Variants in LMTK2 observed in about 807,000 individuals in gnomAD.
LMTK2 encodes the protein serine/threonine-protein kinase LMTK2.
LMTK2 carries 37 observed loss-of-function variants against 127.5 expected under a neutral mutation model. That is an observed-to-expected ratio of 0.29 (90% CI 0.22 to 0.38). The LOEUF (loss-of-function observed/expected upper bound fraction) is 0.38. LMTK2 is among the 10% of genes least tolerant of loss of function. The pLI, the probability that LMTK2 is intolerant of heterozygous loss-of-function variation, is 1.00. For missense variants in LMTK2, 1,694 were observed against 1,920.3 expected (o/e 0.88, Z 2.20); for synonymous variants, 819 against 810.1 (o/e 1.01, Z -0.19).
chr7:98,146,850 T>G (rs1445919522), intron 3 of LMTK2, among the ~76,000 whole-genome samples: 3 of 152,232 alleles, frequency 2.0e-5, no homozygotes, highest in Non-Finnish European at 2.9e-5. Flanking sequence ...AGATCTTTAT[T>G]TCTTCAGATG....
chr7:98,108,952 T>C (rs1321915513), intron 1 of LMTK2, among the ~76,000 whole-genome samples: 1 of 138,824 alleles, frequency 7.2e-6, no homozygotes, highest in African/African-American at 2.7e-5. Flanking sequence ...AACCCCCCCC[T>C]TCCGAGTTCA....
intron 6 of LMTK2, among the ~76,000 whole-genome samples, chr7:98,166,911 T>A (rs188807507): frequency 8.5e-5 from 13 of 152,346 alleles, no homozygotes; most frequent in African/African-American, 2.6e-4. Context: ...TAATTTAGAC[T>A]CTCTGTTCTC....
rs61160695 is a variant in LMTK2, at chr7:98,122,476, C to T, written c.104-14839C>T. Among the ~76,000 whole-genome samples the T allele has an allele frequency of 8.7e-3, 1,318 of 152,150 alleles. 22 individuals carry two copies. Among genetic ancestry groups the T allele is most frequent in the African/African-American group, 0.03 (1,228 of 41,476 alleles). On this transcript the variant is annotated intron_variant, in intron 1 of 13. Transcript: ENST00000297293. ...AGTCACGGACAGGTATTTTAAAAAG[C>T]GTGTGGAACAGTCAACAAATGTCAT... is the stretch of plus-strand genomic sequence containing the variant.
intron 7 of LMTK2, among the ~76,000 whole-genome samples, chr7:98,183,039 C>T (rs116115930): frequency 3.7e-4 from 56 of 152,300 alleles, no homozygotes; most frequent in African/African-American, 1.3e-3. Flanking sequence ...ACACCATATT[C>T]CAGCCTGACT....
Position 98,204,001 on chromosome 7 carries a change from C to T in LMTK2, c.4298C>T (p.Thr1433Ile). Residue 1433 changes from threonine to isoleucine, a missense_variant, in exon 13 of 14, where the codon ACA becomes ATA. This residue lies in a region of LMTK2 where 554 missense variants were observed against 567.7 expected (regional missense o/e 0.98). Coordinates refer to ENST00000297293, the MANE Select transcript of LMTK2 (RefSeq NM_014916.4). ...FSPDPFMSKTTSNLLSSKPSL... is the reference protein window; with the variant it reads ...FSPDPFMSKTISNLLSSKPSL... ...CCAGATCCTTTTATGTCAAAGACAA[C>T]AAGTAACCTGCTCAGCTCCAAGCCT... 1 of 1,614,190 alleles carries T rather than the reference C, an allele frequency of 6.2e-7. No homozygotes were observed. Among genetic ancestry groups the T allele is most frequent in the Non-Finnish European group, 8.5e-7 (1 of 1,180,028 alleles).
At chr7:98,137,873 C>T (rs1353509242) in intron 2 of LMTK2, among the ~76,000 whole-genome samples, 1 of 152,168 alleles carries the variant, frequency 6.6e-6, no homozygotes, top group African/African-American at 2.4e-5. Context: ...GATTGTTCCC[C>T]TCCACCCCGA....
At chr7:98,124,748 T>G (rs1796418127) in intron 1 of LMTK2, among the ~76,000 whole-genome samples, 1 of 151,862 alleles carries the variant, frequency 6.6e-6, no homozygotes. Context: ...ATTATACCAC[T>G]GATTCCAGCC....
At chr7:98,157,650 A>G (rs1267475204) in intron 5 of LMTK2, among the ~76,000 whole-genome samples, 1 of 152,098 alleles carries the variant, frequency 6.6e-6, no homozygotes, top group Non-Finnish European at 1.5e-5. Flanking sequence ...TAAAAAAAAA[A>G]AAAAAAAAAA....
rs1797538162 is a variant in LMTK2, at chr7:98,192,185, A to G, written c.1720A>G (p.Thr574Ala). 5 of 1,524,884 alleles carry G rather than the reference A, an allele frequency of 3.3e-6. No homozygotes were observed. The highest frequency in any genetic ancestry group is 1.4e-5 in the African/African-American group (1 of 71,898). 94.5% of individuals were successfully genotyped at this position (1,524,884 alleles called of 1,614,324 possible). The change falls in exon 11 of 14, where the codon ACC (threonine) becomes GCC (alanine). Residue 574 changes from threonine to alanine, a missense_variant. By Grantham distance (58) the Thr-to-Ala change is moderately conservative. Coordinates refer to ENST00000297293, the MANE Select transcript of LMTK2 (RefSeq NM_014916.4). ...TGATTACCCACCAGCGCTGCTCACA[A>G]CCGACATGGATAATCCAGAAAGGAC... Reference protein sequence around the residue: ...ELDYPPALLTTDMDNPERTGP... With the variant: ...ELDYPPALLTADMDNPERTGP...
At chr7:98,155,097 A>G (rs1030561121) in intron 5 of LMTK2, among the ~76,000 whole-genome samples, 4 of 152,262 alleles carry the variant, frequency 2.6e-5, no homozygotes, top group Non-Finnish European at 5.9e-5. Flanking sequence ...ATTCCAACAC[A>G]GATGACAGAG....
chr7:98,119,094 A>G (rs75094603), intron 1 of LMTK2, among the ~76,000 whole-genome samples: 19 of 147,484 alleles, frequency 1.3e-4, no homozygotes, highest in Non-Finnish European at 2.6e-4. Context: ...TCCATCTCAA[A>G]AAAAAAAAAA....
chr7:98,193,956 G>A lies in LMTK2; in HGVS notation c.3491G>A (p.Cys1164Tyr). ...AGAAAGAGCCAGCCAGATGAAAGTTGTCTGTCTGCTTTGCACAACTCCAGT... is the reference window on the plus strand; with the variant it reads ...AGAAAGAGCCAGCCAGATGAAAGTTATCTGTCTGCTTTGCACAACTCCAGT... ...EARKSQPDES[C>Y]LSALHNSSDL... Residue 1164 changes from cysteine to tyrosine, a missense_variant, in exon 11 of 14, where the codon TGT (cysteine) becomes TAT (tyrosine). This residue lies in a region of LMTK2 where 554 missense variants were observed against 567.7 expected (regional missense o/e 0.98). Coordinates refer to ENST00000297293, the MANE Select transcript of LMTK2 (RefSeq NM_014916.4). This position sits in a 1 kb window ranked among gnomAD's most constrained non-coding sequence, Gnocchi z 4.1. 6 of 1,614,090 alleles carry A rather than the reference G, an allele frequency of 3.7e-6. No homozygotes were observed. The highest frequency in any genetic ancestry group is 4.2e-6 in the Non-Finnish European group (5 of 1,180,044).
chr7:98,208,786 C>T lies in LMTK2; in HGVS notation c.*3294C>T, dbSNP rs1282374267. 3 of 152,202 alleles carry T rather than the reference C, an allele frequency of 2.0e-5. No individual in the cohort carries two copies. Among genetic ancestry groups the T allele is most frequent in the African/African-American group, 7.2e-5 (3 of 41,438 alleles). 9.4% of individuals were successfully genotyped at this position (152,202 alleles called of 1,614,324 possible). ...TAAGGGTGCAGAAAGCTCGACCAAG[C>T]CGAATTGCAAACAACGTTCGTTCTA... is the stretch of plus-strand genomic sequence containing the variant. On this transcript the variant is annotated 3_prime_UTR_variant, in exon 14 of 14. Transcript: ENST00000297293.
At chr7:98,189,847 G>A (rs747330384) in intron 9 of LMTK2, among the ~76,000 whole-genome samples, 22 of 152,130 alleles carry the variant, frequency 1.4e-4, no homozygotes, top group Non-Finnish European at 2.8e-4. Flanking sequence ...CCAGCGTGAT[G>A]GGGGATCCCT....
At position 98,193,730 on chromosome 7, in the gene LMTK2, C is replaced by A; in HGVS notation, c.3265C>A (p.Pro1089Thr). Reference sequence around the variant, plus strand: ...TGGTCACAGAGGCACAGAAGTGACCCCTGAGACGTTCACAGCTGGCTCCCA... The same window carrying A: ...TGGTCACAGAGGCACAGAAGTGACCACTGAGACGTTCACAGCTGGCTCCCA... Reference protein sequence around the residue: ...GDGHRGTEVTPETFTAGSQGS... With the variant: ...GDGHRGTEVTTETFTAGSQGS... Residue 1089 changes from proline to threonine, a missense_variant, in exon 11 of 14, where the codon CCT (proline) becomes ACT (threonine). Physicochemically the swap from Pro to Thr is conservative, Grantham distance 38. Coordinates refer to ENST00000297293, the MANE Select transcript of LMTK2 (RefSeq NM_014916.4). The surrounding 1 kb of genome is among the most constrained non-coding windows in gnomAD (Gnocchi z 4.1). 6.2e-7 allele frequency: 1 copy of A among 1,613,896 alleles called. No homozygotes were observed.
At chr7:98,199,829 T>C (rs774910636) in intron 11 of LMTK2, among the ~76,000 whole-genome samples, 11 of 152,218 alleles carry the variant, frequency 7.2e-5, no homozygotes, top group Non-Finnish European at 1.3e-4. Context: ...TGGTGTATCT[T>C]TTGCATCCTT....
chr7:98,155,433 A>G lies in LMTK2; in HGVS notation c.569+557A>G, dbSNP rs528290784. ...TCTACATTTGGAAAAGAAAAAGCCTACAAATTTAAGAAATTGAGAAAATGC... is the reference window on the plus strand; with the variant it reads ...TCTACATTTGGAAAAGAAAAAGCCTGCAAATTTAAGAAATTGAGAAAATGC... On this transcript the variant is annotated intron_variant, in intron 5 of 13. Transcript: ENST00000297293. Among the ~76,000 whole-genome samples the G allele has an allele frequency of 4.6e-5, 7 of 152,352 alleles. No homozygotes were observed. The South Asian group carries it at 1.4e-3, about 32-fold the overall frequency.
At chr7:98,180,451 G>A (rs1797339204) in intron 7 of LMTK2, among the ~76,000 whole-genome samples, 1 of 152,164 alleles carries the variant, frequency 6.6e-6, no homozygotes, top group Admixed American at 6.5e-5. Flanking sequence ...AAGGGTTAAA[G>A]CCAAAAGCCA....
chr7:98,153,348 AC>A (rs1387814943), intron 4 of LMTK2, among the ~76,000 whole-genome samples: 6 of 152,140 alleles, frequency 3.9e-5, no homozygotes, highest in Non-Finnish European at 8.8e-5. Flanking sequence ...AGCCCAGGAG[AC>A]AGGAGTCTTC....
Sources: allele counts gnomAD v4.1 joint callset (sites outside exome capture counted in the v4.1 genomes callset), GRCh38; gene constraint gnomAD v4.1.1; regional missense constraint gnomAD v4.1.1; non-coding constraint Gnocchi (gnomAD v3.1); transcripts MANE v1.5; gene names NCBI Gene and HGNC (gene_info 2026-07-23, HGNC 2026-07-21).